Variants in CLVS1 observed in about 807,000 individuals in gnomAD.
CLVS1 encodes the protein clavesin 1.
A neutral mutation model predicts 33.1 loss-of-function variants in CLVS1; 10 were observed. The ratio of observed to expected loss-of-function variants is 0.30; its 90% CI spans 0.19 to 0.51. CLVS1 has a LOEUF of 0.51. Ranked by LOEUF, CLVS1 falls within the 20% of genes least tolerant of loss-of-function variation. The probability of loss-of-function intolerance (pLI) is 0.97; values close to 1 mark genes in which losing one functional copy is unlikely to be tolerated. For synonymous variants in CLVS1, 163 were observed against 166.1 expected (o/e 0.98, Z 0.14); for missense variants, 343 against 433.4 (o/e 0.79, Z 1.85).
At chr8:61,208,088 G>A (rs1807894305) in intron 2 of CLVS1, among the ~76,000 whole-genome samples, 1 of 151,498 alleles carries the variant, frequency 6.6e-6, no homozygotes, top group Admixed American at 6.6e-5. Context: ...ACGAGTCTTG[G>A]TCTTACAATG....
intron 2 of CLVS1, among the ~76,000 whole-genome samples, chr8:61,188,309 T>A (rs1413350829): frequency 6.6e-6 from 1 of 152,124 alleles, no homozygotes; most frequent in Non-Finnish European, 1.5e-5. Context: ...AGCAGACAAG[T>A]GCTCTTTGGA....
At chr8:61,329,625 G>A (rs1250652398) in intron 2 of CLVS1, among the ~76,000 whole-genome samples, 1 of 152,038 alleles carries the variant, frequency 6.6e-6, no homozygotes, top group Non-Finnish European at 1.5e-5. Context: ...CCTAAATAAA[G>A]TACATCTATT....
At chr8:61,183,580 G>T (rs941436896) in intron 2 of CLVS1, among the ~76,000 whole-genome samples, 5 of 152,042 alleles carry the variant, frequency 3.3e-5, no homozygotes, top group Non-Finnish European at 5.9e-5. Context: ...GGTTTGTTAT[G>T]CAGCAAGTCC....
rs141509330 is a variant in CLVS1, at chr8:61,399,240, C to A, written c.630+22461C>A. Among the ~76,000 whole-genome samples, 22 of 152,024 alleles carry A rather than the reference C, an allele frequency of 1.4e-4. No homozygotes were observed. The East Asian group carries it at 4.2e-3, about 29-fold the overall frequency. On this transcript the variant is annotated intron_variant, in intron 3 of 5. Transcript: ENST00000325897. ...CGTTTCTTGACTTTTTAATAATAGC[C>A]ATTCTGGTATCTCATTGTGGATTTG...
At chr8:61,186,792 C>T (rs910648592) in intron 2 of CLVS1, among the ~76,000 whole-genome samples, 1 of 152,114 alleles carries the variant, frequency 6.6e-6, no homozygotes, top group Non-Finnish European at 1.5e-5. Context: ...ATGTAAAACT[C>T]CAAACATGTT....
At chr8:61,008,021 C>T in the CLVS1 span, among the ~76,000 whole-genome samples, 1 of 151,938 alleles carries the variant, frequency 6.6e-6, no homozygotes, top group Non-Finnish European at 1.5e-5. Context: ...TGCCCAGGAA[C>T]GAAGGAAATC....
chr8:60,992,002 C>T, the CLVS1 span, among the ~76,000 whole-genome samples: 1 of 152,162 alleles, frequency 6.6e-6, no homozygotes, highest in African/African-American at 2.4e-5. Flanking sequence ...CCCGCCTTGG[C>T]CTCCCAAGGT....
At chr8:61,388,093 G>C (rs2129602493) in intron 3 of CLVS1, among the ~76,000 whole-genome samples, 1 of 152,090 alleles carries the variant, frequency 6.6e-6, no homozygotes, top group South Asian at 2.1e-4. Context: ...CAAATCATAA[G>C]TGTGTAGCTC....
At chr8:61,194,903 C>A (rs1260525813) in intron 2 of CLVS1, among the ~76,000 whole-genome samples, 1 of 148,790 alleles carries the variant, frequency 6.7e-6, no homozygotes, top group Non-Finnish European at 1.5e-5. Flanking sequence ...GACCACAACA[C>A]CAGTAGCAAA....
At chr8:61,194,196 C>A (rs1807554052) in intron 2 of CLVS1, among the ~76,000 whole-genome samples, 1 of 151,924 alleles carries the variant, frequency 6.6e-6, no homozygotes, top group African/African-American at 2.4e-5. Flanking sequence ...GTACATTTAT[C>A]CTAATGTACC....
chr8:61,068,440 C>T (rs1049599809), intron 1 of CLVS1, among the ~76,000 whole-genome samples: 2 of 151,764 alleles, frequency 1.3e-5, no homozygotes, highest in East Asian at 1.9e-4. Flanking sequence ...GTGCTGGGTG[C>T]GTAGGAACCT....
At chr8:61,055,916 G>A (rs1285179696), upstream of CLVS1, among the ~76,000 whole-genome samples, 1 of 152,260 alleles carries the variant, frequency 6.6e-6, no homozygotes, top group Admixed American at 6.5e-5. Flanking sequence ...CTCCTTACAT[G>A]CGTGGCTCCA....
intron 1 of CLVS1, among the ~76,000 whole-genome samples, chr8:61,070,702 C>A (rs1467293034): frequency 6.6e-6 from 1 of 152,152 alleles, no homozygotes; most frequent in Non-Finnish European, 1.5e-5. Flanking sequence ...TATCCAGGCA[C>A]AGTGGTGTAC....
rs553045230 is a variant in CLVS1, at chr8:61,165,169, C to T, written c.-152+33309C>T. ...GCCCCATCGGGAGTGGCAACGGGCA[C>T]CTCCTTGGATAAGGAGCATAGCAGA... On this transcript the variant is annotated intron_variant, in intron 2 of 2. Transcript: ENST00000522621. Among the ~76,000 whole-genome samples the T allele has an allele frequency of 1.0e-3, 157 of 152,214 alleles. 6 individuals carry two copies. The highest frequency in any genetic ancestry group is 3.4e-4 in the Non-Finnish European group (23 of 68,050).
At chr8:61,246,425 C>T in intron 2 of CLVS1, among the ~76,000 whole-genome samples, 1 of 151,860 alleles carries the variant, frequency 6.6e-6, no homozygotes, top group South Asian at 2.1e-4. Context: ...CTGCCTCGGC[C>T]TCCCAAAGTG....
At chr8:61,308,953 G>A (rs1156302982) in intron 2 of CLVS1, among the ~76,000 whole-genome samples, 4 of 152,128 alleles carry the variant, frequency 2.6e-5, no homozygotes, top group Non-Finnish European at 5.9e-5. Flanking sequence ...CTGAATCACC[G>A]GTATGCTGTT....
the CLVS1 span, among the ~76,000 whole-genome samples, chr8:61,016,364 A>G: frequency 7.5e-4 from 115 of 152,370 alleles, no homozygotes; most frequent in African/African-American, 2.6e-3. Context: ...CTTATGGGTC[A>G]TAACACAAAC....
rs1438341286 is a variant in CLVS1 at position 61,118,814 on chromosome 8, G to T, written c.-242-12956G>T. ...CAACTATGTGGTCAGTTTTGGAAGA[G>T]GTGTGGTGTGGTGCTGAAAAAAATG... On this transcript the variant is annotated intron_variant, in intron 1 of 2. Transcript: ENST00000522621. Among the ~76,000 whole-genome samples the T allele has an allele frequency of 2.6e-5, 4 of 152,198 alleles. No individual in the cohort carries two copies. In the South Asian group the frequency reaches 8.3e-4, roughly 31 times the overall value.
the CLVS1 span, among the ~76,000 whole-genome samples, chr8:60,981,587 A>G: frequency 1.3e-5 from 2 of 152,084 alleles, no homozygotes; most frequent in African/African-American, 2.4e-5. Flanking sequence ...TAGTTATAGT[A>G]ACTGCAATGT....
Sources: allele counts gnomAD v4.1 joint callset (sites outside exome capture counted in the v4.1 genomes callset), GRCh38; gene constraint gnomAD v4.1.1; transcripts MANE v1.5; gene names NCBI Gene and HGNC (gene_info 2026-07-23, HGNC 2026-07-21).